PPP2R5D: variants seen among roughly 807,000 people sequenced by gnomAD.
PPP2R5D encodes the protein serine/threonine-protein phosphatase 2A 56 kDa regulatory subunit delta isoform.
Under a neutral mutation model 79.1 loss-of-function variants are expected in PPP2R5D, and 12 were observed. That is an observed-to-expected ratio of 0.15 (90% CI 0.10 to 0.25). PPP2R5D has a LOEUF of 0.25. PPP2R5D is among the 10% of genes least tolerant of loss of function. The probability of loss-of-function intolerance (pLI) is 1.00; values close to 1 mark genes in which losing one functional copy is unlikely to be tolerated. For missense variants in PPP2R5D, 419 were observed against 760.2 expected (o/e 0.55, Z 5.28); for synonymous variants, 277 against 286.6 (o/e 0.97, Z 0.34).
chr6:42,984,779 C>T, intron 1 of PPP2R5D, 75 bp downstream of exon 1: 10 of 1,600,776 alleles, frequency 6.2e-6, no homozygotes, highest in South Asian at 1.1e-5. Flanking sequence ...GAGCCAGGCC[C>T]GGGACAGCCC....
chr6:43,002,839 G>C (rs1343382983), intron 2 of PPP2R5D, among the ~76,000 whole-genome samples: 1 of 152,190 alleles, frequency 6.6e-6, no homozygotes, highest in African/African-American at 2.4e-5. Flanking sequence ...TGGGATGGGA[G>C]CTGGAGAGGA....
intron 2 of PPP2R5D, among the ~76,000 whole-genome samples, chr6:43,004,599 A>G (rs1287752759): frequency 8.3e-6 from 1 of 119,912 alleles, no homozygotes; most frequent in Admixed American, 9.1e-5. Context: ...AGATTTAGAT[A>G]TTATCAATTG....
intron 2 of PPP2R5D, among the ~76,000 whole-genome samples, chr6:43,001,217 T>G (rs1772176028): frequency 6.6e-6 from 1 of 152,180 alleles, no homozygotes; most frequent in African/African-American, 2.4e-5. Flanking sequence ...TGCAATGACA[T>G]GATCTCAGCT....
Position 43,006,833 on chromosome 6 carries a change from A to G in PPP2R5D, c.323-78A>G, listed in dbSNP as rs28630819. On this transcript the variant is annotated intron_variant, in intron 3 of 15. Coordinates refer to ENST00000485511, the MANE Select transcript of PPP2R5D (RefSeq NM_006245.4). The surrounding 1 kb of genome is among the most constrained non-coding windows in gnomAD (Gnocchi z 4.7). ...AGCAGGATGGTGGCAGGGTGGGGTAAGGGAAAGCCCTTGAAGGCAAGCAGG... is the reference window on the plus strand; with the variant it reads ...AGCAGGATGGTGGCAGGGTGGGGTAGGGGAAAGCCCTTGAAGGCAAGCAGG... 1.9e-6 allele frequency: 3 copies of G among 1,587,262 alleles called. No individual in the cohort carries two copies. Among genetic ancestry groups the G allele is most frequent in the Non-Finnish European group, 8.6e-7 (1 of 1,160,356 alleles).
chr6:43,001,279 T>G (rs1321241861), intron 2 of PPP2R5D, among the ~76,000 whole-genome samples: 1 of 152,142 alleles, frequency 6.6e-6, no homozygotes, highest in Non-Finnish European at 1.5e-5. Context: ...GTAGCTGGGA[T>G]TATAGGCATG....
intron 1 of PPP2R5D, among the ~76,000 whole-genome samples, chr6:42,987,435 A>G (rs1459664724): frequency 6.6e-6 from 1 of 152,032 alleles, no homozygotes; most frequent in Non-Finnish European, 1.5e-5. Context: ...TAGTAATAAC[A>G]TTGACCAGCA....
chr6:42,988,673 T>C (rs1771028449), intron 1 of PPP2R5D, among the ~76,000 whole-genome samples: 1 of 152,176 alleles, frequency 6.6e-6, no homozygotes, highest in South Asian at 2.1e-4. Context: ...TAAGAAACAC[T>C]AGGATTTGTC....
intron 1 of PPP2R5D, among the ~76,000 whole-genome samples, chr6:42,986,293 C>G (rs1243221831): frequency 6.6e-6 from 1 of 151,992 alleles, no homozygotes; most frequent in African/African-American, 2.4e-5. Context: ...GGGGCTGGCC[C>G]TTTTTGGTGG....
At chr6:42,992,122 C>T (rs557813513) in intron 2 of PPP2R5D, among the ~76,000 whole-genome samples, 5 of 152,200 alleles carry the variant, frequency 3.3e-5, no homozygotes, top group Admixed American at 1.3e-4. Flanking sequence ...TGCAGTGGCG[C>T]GATCTTGGCT....
At chr6:42,997,446 C>T (rs920162008) in intron 2 of PPP2R5D, among the ~76,000 whole-genome samples, 3 of 152,038 alleles carry the variant, frequency 2.0e-5, no homozygotes, top group Non-Finnish European at 2.9e-5. Context: ...CCCACCTCAG[C>T]CTCCCAAAGT....
rs1762384368 is a variant in PPP2R5D, at chr6:43,012,190, G to C, written c.*904G>C. 8.8e-7 allele frequency: 1 copy of C among 1,135,774 alleles called. No homozygotes were observed. The highest frequency in any genetic ancestry group is 1.1e-6 in the Non-Finnish European group (1 of 926,802). The allele number at this position is 1,135,774 out of a possible 1,614,324, so 70.4% of individuals were successfully genotyped here. A position where few individuals can be genotyped will look rare whatever the true frequency, so the allele number is the denominator to read the frequency against. On this transcript the variant is annotated 3_prime_UTR_variant, in exon 16 of 16. Transcript: ENST00000485511. ...CTTGGAGGGGCCAGGGGCTGAGGAA[G>C]GCCGGACCCAGGTTCCAGGGGCGCA...
chr6:42,993,260 G>A (rs559434555), intron 2 of PPP2R5D, among the ~76,000 whole-genome samples: 4 of 150,248 alleles, frequency 2.7e-5, no homozygotes, highest in Non-Finnish European at 5.9e-5. Context: ...TTGCACCATT[G>A]CAACCCAGAC....
intron 2 of PPP2R5D, among the ~76,000 whole-genome samples, chr6:42,998,877 A>T (rs1273933832): frequency 2.6e-5 from 4 of 152,138 alleles, no homozygotes; most frequent in Non-Finnish European, 5.9e-5. Context: ...TCTACTGAAA[A>T]TACAAAAATT....
chr6:43,011,205 C>G lies in PPP2R5D; in HGVS notation c.1728C>G (p.Pro576=), dbSNP rs764041360. 2 of 1,614,120 alleles carry G rather than the reference C, an allele frequency of 1.2e-6. No individual in the cohort carries two copies. Among genetic ancestry groups the G allele is most frequent in the Admixed American group, 3.3e-5 (2 of 60,012 alleles). ...TGCTGCGGAGGAAGTCGGAGCTGCC[C>G]CAGGACGTGTACACCATCAAGGCAC... ...KVLLRRKSEL[P]QDVYTIKALE... Residue 576 remains proline (P), a synonymous_variant, in exon 16 of 16, where the codon CCC becomes CCG. Coordinates refer to ENST00000485511, the MANE Select transcript of PPP2R5D (RefSeq NM_006245.4).
At chr6:42,992,355 G>A (rs1331206445) in intron 2 of PPP2R5D, among the ~76,000 whole-genome samples, 1 of 152,040 alleles carries the variant, frequency 6.6e-6, no homozygotes, top group Admixed American at 6.6e-5. Context: ...CACCGCGCCC[G>A]GCCCCCTTGC....
At chr6:43,005,918 G>A (rs538684841) in intron 2 of PPP2R5D, among the ~76,000 whole-genome samples, 10 of 152,188 alleles carry the variant, frequency 6.6e-5, no homozygotes, top group East Asian at 1.9e-4. Flanking sequence ...CACTGCGCCC[G>A]GCCTCTTCTA....
In PPP2R5D at chr6:43,008,888, C is replaced by A; in HGVS notation, c.1080+142C>A. On this transcript the variant is annotated intron_variant, in intron 10 of 15. Transcript: ENST00000485511. The surrounding 1 kb of genome is among the most constrained non-coding windows in gnomAD (Gnocchi z 4.2). ...CATGGTTTCCTCTCTGAAGGGGAAG[C>A]AAAACCTATATACACCTAGGAAACA... 7.9e-7 allele frequency: 1 copy of A among 1,270,100 alleles called. No individual in the cohort carries two copies. Among genetic ancestry groups the A allele is most frequent in the Non-Finnish European group, 1.1e-6 (1 of 905,532 alleles). 78.7% of individuals were successfully genotyped at this position (1,270,100 alleles called of 1,614,324 possible). A position where few individuals can be genotyped will look rare whatever the true frequency, so the allele number is the denominator to read the frequency against.
chr6:42,988,976 T>G (rs1348934209), intron 1 of PPP2R5D, among the ~76,000 whole-genome samples: 1 of 152,220 alleles, frequency 6.6e-6, no homozygotes, highest in Non-Finnish European at 1.5e-5. Context: ...AGACTAGTGC[T>G]CACTCTTTGT....
intron 2 of PPP2R5D, among the ~76,000 whole-genome samples, chr6:42,993,692 C>G (rs1771436483): frequency 6.6e-6 from 1 of 152,196 alleles, no homozygotes; most frequent in Admixed American, 6.5e-5. Flanking sequence ...GCATTCTCCT[C>G]CATGTGTCTC....
Sources: allele counts gnomAD v4.1 joint callset (sites outside exome capture counted in the v4.1 genomes callset), GRCh38; gene constraint gnomAD v4.1.1; non-coding constraint Gnocchi (gnomAD v3.1); transcripts MANE v1.5; gene names NCBI Gene and HGNC (gene_info 2026-07-23, HGNC 2026-07-21).